Variants in FGF13 observed in about 807,000 individuals in gnomAD.
FGF13 encodes the protein fibroblast growth factor 13.
A neutral mutation model predicts 19.5 loss-of-function variants in FGF13; 2 were observed. The observed-to-expected ratio is 0.10, with a 90% CI of 0.04 to 0.32. The LOEUF (loss-of-function observed/expected upper bound fraction) is 0.32, where lower values mean the gene tolerates loss of function less well. FGF13 is among the 10% of genes least tolerant of loss of function. The pLI is 1.00. For missense variants in FGF13, 113 were observed against 192.7 expected (o/e 0.59, Z 2.45); for synonymous variants, 72 against 76.9 (o/e 0.94, Z 0.33).
Position 138,956,511 on chromosome X carries a change from G to T in FGF13, c.-112-91861C>A, listed in dbSNP as rs772077568. Among the ~76,000 whole-genome samples, 16 of 111,099 alleles carry T rather than the reference G, an allele frequency of 1.4e-4. No homozygotes were observed. The East Asian group carries it at 4.6e-3, about 32-fold the overall frequency. ...GGGTTGGCTGAGACTCTGTCCTAGG[G>T]ATCAAGGGCATGGGTTCCAGTCTCA... On this transcript the variant is annotated intron_variant, in intron 1 of 2. Transcript: ENST00000421460.
At chrX:138,922,782 T>A (rs1244335769) in intron 1 of FGF13, among the ~76,000 whole-genome samples, 1 of 112,151 alleles carries the variant, frequency 8.9e-6, no homozygotes, top group African/African-American at 3.2e-5. Context: ...TCGTAGTTCA[T>A]GGTAGAATTT....
chrX:139,036,734 G>A (rs983158343), intron 1 of FGF13, among the ~76,000 whole-genome samples: 2 of 111,360 alleles, frequency 1.8e-5, no homozygotes, highest in African/African-American at 6.5e-5. Context: ...GGCTGGGGAG[G>A]TGGCACAATC....
upstream of FGF13, chrX:139,204,019 G>C (rs762659593): frequency 4.2e-6 from 5 of 1,194,471 alleles, no homozygotes; most frequent in Admixed American, 6.5e-5. Flanking sequence ...CGAGGGAAAC[G>C]AAGGAAAGGA....
intron 3 of FGF13, among the ~76,000 whole-genome samples, chrX:138,670,488 T>TATTC (rs1363241077): frequency 8.9e-6 from 1 of 112,181 alleles, no homozygotes; most frequent in African/African-American, 3.2e-5. Flanking sequence ...AACAGAATGT[T>TATTC]ATTCATCTTT....
At chrX:138,866,250 G>A (rs899225718) in intron 1 of FGF13, among the ~76,000 whole-genome samples, 23 of 112,728 alleles carry the variant, frequency 2.0e-4, no homozygotes, top group African/African-American at 6.8e-4. Context: ...CTATGAGTGG[G>A]GCTTGGGCCT....
intron 1 of FGF13, among the ~76,000 whole-genome samples, chrX:138,975,648 T>C (rs2091936812): frequency 9.0e-6 from 1 of 111,266 alleles, no homozygotes; most frequent in Non-Finnish European, 1.9e-5. Flanking sequence ...TTGTCACAGA[T>C]CCAGAGGAAA....
At chrX:138,686,118 C>T (rs2089779612) in intron 3 of FGF13, among the ~76,000 whole-genome samples, 1 of 111,208 alleles carries the variant, frequency 9.0e-6, no homozygotes, top group African/African-American at 3.3e-5. Flanking sequence ...AAAGGTTAAT[C>T]TTACGTTCTA....
chrX:139,019,964 A>G (rs1282291692), intron 1 of FGF13, among the ~76,000 whole-genome samples: 1 of 110,780 alleles, frequency 9.0e-6, no homozygotes, highest in Admixed American at 9.6e-5. Context: ...ATCATCATTA[A>G]ATAGTATCAC....
At chrX:139,177,459 T>C (rs1480962908) in intron 1 of FGF13, among the ~76,000 whole-genome samples, 2 of 111,230 alleles carry the variant, frequency 1.8e-5, no homozygotes, top group Non-Finnish European at 3.8e-5. Context: ...TTTGATCCTG[T>C]CCTTATGATA....
At chrX:139,081,724 C>CTCTCTCTCTCTCTCTCCG (rs1556356384) in intron 1 of FGF13, among the ~76,000 whole-genome samples, 1 of 105,294 alleles carries the variant, frequency 9.5e-6, no homozygotes, top group African/African-American at 3.5e-5. Flanking sequence ...TTCTTAATTC[C>CTCTCTCTCTCTCTCTCCG]TCTCTCTCTC....
At chrX:138,988,125 A>G (rs1457149097) in intron 1 of FGF13, among the ~76,000 whole-genome samples, 1 of 111,678 alleles carries the variant, frequency 9.0e-6, no homozygotes, top group Non-Finnish European at 1.9e-5. Context: ...ACTCTTTTAC[A>G]TCTACACTCC....
chrX:138,736,647 T>TAGTAAACA (rs2090277115), intron 1 of FGF13, among the ~76,000 whole-genome samples: 1 of 110,708 alleles, frequency 9.0e-6, no homozygotes, highest in African/African-American at 3.3e-5. Flanking sequence ...AAAAAAAAAT[T>TAGTAAACA]AGTAAACATA....
intron 1 of FGF13, among the ~76,000 whole-genome samples, chrX:139,025,821 A>C: frequency 9.1e-6 from 1 of 110,278 alleles, no homozygotes; most frequent in Non-Finnish European, 1.9e-5. Context: ...TTGCCCTTTC[A>C]ATTTCATGGA....
intron 1 of FGF13, among the ~76,000 whole-genome samples, chrX:139,174,933 A>C (rs895127983): frequency 1.8e-5 from 2 of 112,174 alleles, no homozygotes; most frequent in Non-Finnish European, 3.8e-5. Context: ...TTCTGTGAAG[A>C]AAGTCAGTGG....
intron 1 of FGF13, among the ~76,000 whole-genome samples, chrX:138,865,641 G>A (rs926253274): frequency 9.1e-6 from 1 of 110,255 alleles, no homozygotes; most frequent in Non-Finnish European, 1.9e-5. Context: ...AGCAGCACAC[G>A]TCTCTACACA....
intron 1 of FGF13, among the ~76,000 whole-genome samples, chrX:139,131,766 G>T (rs2083764243): frequency 1.8e-5 from 2 of 111,380 alleles, no homozygotes; most frequent in South Asian, 3.8e-4. Context: ...GATCAACGTT[G>T]CTCTAGAAGT....
Position 138,701,524 on chromosome X carries a change from A to T in FGF13, c.402+1460T>A, listed in dbSNP as rs756509518. ...ATTTTTCATTTAGTAAAAAGAGCAA[A>T]CCCCCATATTTATTAAGCAACCAGA... On this transcript the variant is annotated intron_variant, in intron 3 of 4. Transcript: ENST00000315930. 2.7e-5 allele frequency among the ~76,000 whole-genome samples: 3 copies of T among 112,105 alleles called. No individual in the cohort carries two copies. The South Asian group carries it at 1.1e-3, about 42-fold the overall frequency.
rs964731855 is a variant in FGF13 at position 138,844,761 on chromosome X, G to C, written c.217+12751C>G. Among the ~76,000 whole-genome samples, 3 of 109,982 alleles carry C rather than the reference G, an allele frequency of 2.7e-5. No individual in the cohort carries two copies. The Admixed American group carries it at 2.9e-4, about 11-fold the overall frequency. On this transcript the variant is annotated intron_variant, in intron 3 of 6. Transcript: ENST00000436198. ...CTATGCCCCAGGCCTTGCTTCTCTA[G>C]TCTCTCTCCCTATGTGTCTCATCTG...
Position 138,996,821 on chromosome X carries a change from G to A in FGF13, c.-112-132171C>T, listed in dbSNP as rs771680342. Among the ~76,000 whole-genome samples the A allele has an allele frequency of 1.3e-4, 15 of 112,240 alleles. No homozygotes were observed. The East Asian group carries it at 2.5e-3, about 19-fold the overall frequency. On this transcript the variant is annotated intron_variant, in intron 1 of 2. Transcript: ENST00000421460. ...CAGTGGTTCTCCCAGCACAGCGTTC[G>A]AGCTCTGATAACAGACAGACTGCCT...
Sources: allele counts gnomAD v4.1 joint callset (sites outside exome capture counted in the v4.1 genomes callset), GRCh38; gene constraint gnomAD v4.1.1; transcripts MANE v1.5; gene names NCBI Gene and HGNC (gene_info 2026-07-23, HGNC 2026-07-21).